The following MOB1B variants were observed in gnomAD, a reference collection of about 807,000 sequenced individuals.
The protein encoded by MOB1B is MOB kinase activator 1B, also known as MOB1 Mps One Binder homolog B.
MOB1B carries 19 observed loss-of-function variants against 24.4 expected under a neutral mutation model. The ratio of observed to expected loss-of-function variants is 0.78; its 90% CI spans 0.54 to 1.14. The LOEUF (loss-of-function observed/expected upper bound fraction) is 1.14, where lower values mean the gene tolerates loss of function less well. MOB1B is among the 50% of genes most tolerant of loss of function. MOB1B has a pLI of 0.00. For missense variants in MOB1B, 243 were observed against 259.6 expected (o/e 0.94, Z 0.44); for synonymous variants, 76 against 82.1 (o/e 0.93, Z 0.40).
At chr4:70,902,343 A>T (rs72852919), upstream of MOB1B, 2,411 of 673,038 alleles carry the variant, frequency 3.6e-3, 44 homozygotes, top group African/African-American at 0.038. Flanking sequence ...GACGAGCGCT[A>T]CCCACTTCCG....
chr4:70,926,929 GGAGCTTACAGT>G (rs1560636847), intron 1 of MOB1B, among the ~76,000 whole-genome samples: 1 of 151,850 alleles, frequency 6.6e-6, no homozygotes, highest in Non-Finnish European at 1.5e-5. Context: ...CTCAGGAGGT[GGAGCTTACAGT>G]GAGCCGAGAT....
chr4:70,979,651 A>T (rs1739124414), intron 5 of MOB1B, among the ~76,000 whole-genome samples: 1 of 152,120 alleles, frequency 6.6e-6, no homozygotes, highest in Admixed American at 6.5e-5. Flanking sequence ...CTGGATCTTT[A>T]TTAGCGGACT....
chr4:70,929,709 G>A (rs962313830), intron 1 of MOB1B, among the ~76,000 whole-genome samples: 9 of 150,750 alleles, frequency 6.0e-5, no homozygotes, highest in Admixed American at 2.7e-4. Context: ...GCAGTGGCGC[G>A]ATCTTGGCTC....
chr4:70,966,112 G>T (rs553827537), intron 2 of MOB1B, among the ~76,000 whole-genome samples: 1 of 152,192 alleles, frequency 6.6e-6, no homozygotes, highest in South Asian at 2.1e-4. Flanking sequence ...AAGGGAACTA[G>T]GTCATCTAAC....
intron 1 of MOB1B, among the ~76,000 whole-genome samples, chr4:70,903,814 A>G (rs1287278404): frequency 6.6e-6 from 1 of 151,934 alleles, no homozygotes; most frequent in South Asian, 2.1e-4. Context: ...TCCAATATGC[A>G]TAGGGGACCT....
chr4:70,961,467 A>G (rs2148895357), intron 2 of MOB1B, among the ~76,000 whole-genome samples: 1 of 152,282 alleles, frequency 6.6e-6, no homozygotes, highest in Non-Finnish European at 1.5e-5. Flanking sequence ...TCCATTTAAT[A>G]TTTTCAGCCC....
At chr4:70,952,194 G>A (rs1196157561) in intron 1 of MOB1B, among the ~76,000 whole-genome samples, 1 of 151,698 alleles carries the variant, frequency 6.6e-6, no homozygotes, top group African/African-American at 2.4e-5. Context: ...TTTAAATAAA[G>A]GACTGATCAA....
chr4:70,947,866 C>T (rs924183859), intron 1 of MOB1B, among the ~76,000 whole-genome samples: 3 of 152,168 alleles, frequency 2.0e-5, no homozygotes, highest in Non-Finnish European at 4.4e-5. Context: ...ACCTTGGCCT[C>T]CCAGAATGCT....
intron 1 of MOB1B, among the ~76,000 whole-genome samples, chr4:70,918,925 T>C (rs1474083725): frequency 6.6e-6 from 1 of 152,096 alleles, no homozygotes; most frequent in African/African-American, 2.4e-5. Flanking sequence ...TGTCCAACGA[T>C]AGACTGGATT....
At position 70,919,315 on chromosome 4, in the gene MOB1B, T is replaced by TA. The variant is rs528264787; in HGVS notation, c.14+16778dup. Reference sequence around the variant, plus strand: ...CTAAAACTTAAAGTGTAATAATAATTAAAAAAAAAAAAAGACAATTTTGAA... The same window carrying TA: ...CTAAAACTTAAAGTGTAATAATAATTAAAAAAAAAAAAAAGACAATTTTGAA... On this transcript the variant is annotated intron_variant, in intron 1 of 5. Coordinates refer to ENST00000309395, the MANE Select transcript of MOB1B (RefSeq NM_173468.4). Among the ~76,000 whole-genome samples the TA allele has an allele frequency of 4.6e-3, 654 of 142,486 alleles. 3 individuals carry two copies. Among genetic ancestry groups the TA allele is most frequent in the East Asian group, 0.031 (153 of 4,936 alleles). The allele number at this position is 142,486 out of a possible 152,430, so 93.5% of individuals were successfully genotyped here.
intron 1 of MOB1B, among the ~76,000 whole-genome samples, chr4:70,916,868 C>G (rs975918336): frequency 6.6e-6 from 1 of 152,212 alleles, no homozygotes; most frequent in South Asian, 2.1e-4. Flanking sequence ...TGCGCCTGGC[C>G]TACCACTGAA....
intron 1 of MOB1B, among the ~76,000 whole-genome samples, chr4:70,908,192 C>CT (rs931429204): frequency 1.3e-5 from 2 of 149,830 alleles, no homozygotes; most frequent in Non-Finnish European, 3.0e-5. Flanking sequence ...TGCCCGGCTA[C>CT]TTTTTTTTTG....
intron 1 of MOB1B, among the ~76,000 whole-genome samples, chr4:70,921,885 T>G (rs965618673): frequency 4.6e-5 from 7 of 152,214 alleles, no homozygotes; most frequent in African/African-American, 1.7e-4. Context: ...ATTAGCCTTA[T>G]GTCTTCAATT....
chr4:70,981,925 A>T (rs1578408590), intron 5 of MOB1B, 55 bp from the exon 6 acceptor site: 1 of 1,128,062 alleles, frequency 8.9e-7, no homozygotes, highest in Non-Finnish European at 1.3e-6. Context: ...ACTTTGGAAT[A>T]AGATGCAAAT....
intron 1 of MOB1B, among the ~76,000 whole-genome samples, chr4:70,910,423 A>G (rs1304722780): frequency 1.3e-5 from 2 of 151,832 alleles, no homozygotes; most frequent in African/African-American, 4.8e-5. Flanking sequence ...GCGTGTATAT[A>G]CATATATACA....
At chr4:70,929,389 G>A (rs1345881159) in intron 1 of MOB1B, among the ~76,000 whole-genome samples, 5 of 151,954 alleles carry the variant, frequency 3.3e-5, no homozygotes, top group African/African-American at 1.2e-4. Flanking sequence ...ATGTTGGCCA[G>A]GCTGATCTCC....
At chr4:70,903,974 CT>C (rs754257097) in intron 1 of MOB1B, among the ~76,000 whole-genome samples, 112 of 80,994 alleles carry the variant, frequency 1.4e-3, no homozygotes, top group African/African-American at 5.3e-3. Flanking sequence ...TATTTTAGTT[CT>C]TTTTTTTTTT....
intron 2 of MOB1B, among the ~76,000 whole-genome samples, chr4:70,969,560 C>T (rs1738671674): frequency 6.6e-6 from 1 of 152,220 alleles, no homozygotes; most frequent in Non-Finnish European, 1.5e-5. Context: ...AACATCTCTT[C>T]ATAGGACATT....
At chr4:70,960,050 A>G (rs111423708) in intron 2 of MOB1B, among the ~76,000 whole-genome samples, 28 of 152,000 alleles carry the variant, frequency 1.8e-4, no homozygotes, top group African/African-American at 6.5e-4. Context: ...TGTCCGGCTA[A>G]TTTTTGTATT....
Sources: gnomAD v4.1 joint callset for allele counts (sites outside exome capture counted in the v4.1 genomes callset) on GRCh38, gnomAD v4.1.1 for gene constraint, MANE v1.5 for transcripts, NCBI Gene and HGNC (gene_info 2026-07-23, HGNC 2026-07-21) for gene names.